Variants in C4BPA observed in about 807,000 individuals in gnomAD.
The protein encoded by C4BPA is C4b-binding protein alpha chain.
Under a neutral mutation model 63.7 loss-of-function variants are expected in C4BPA, and 31 were observed. The observed-to-expected ratio is 0.49, with a 90% CI of 0.37 to 0.66. The LOEUF (loss-of-function observed/expected upper bound fraction) is 0.66, where lower values mean the gene tolerates loss of function less well. Ranked by LOEUF, C4BPA falls within the 30% of genes least tolerant of loss-of-function variation. The pLI, the probability that C4BPA is intolerant of heterozygous loss-of-function variation, is 0.00. For missense variants in C4BPA, 572 were observed against 723.3 expected (o/e 0.79, Z 2.40); for synonymous variants, 259 against 254.7 (o/e 1.02, Z -0.16).
rs1293892705 is a variant in C4BPA, at chr1:207,131,668, C to T, written c.1012C>T (p.Pro338Ser). 6.2e-7 allele frequency: 1 copy of T among 1,613,948 alleles called. No individual in the cohort carries two copies. Among genetic ancestry groups the T allele is most frequent in the East Asian group, 2.2e-5 (1 of 44,826 alleles). Reference protein sequence around the residue: ...LRYRCHPGYKPTTDEPTTVIC... With the variant: ...LRYRCHPGYKSTTDEPTTVIC... ...GTACCGCTGTCATCCTGGCTACAAA[C>T]CCACTACAGATGAGCCTACGACTGT... Residue 338 changes from proline (P) to serine (S), a missense_variant, in exon 8 of 12, where the codon CCC (proline) becomes TCC (serine). Physicochemically the swap from Pro to Ser is moderately conservative, Grantham distance 74 (BLOSUM62 -1). Transcript: ENST00000367070.
intron 8 of C4BPA, among the ~76,000 whole-genome samples, 160 bp from the exon 9 acceptor site, chr1:207,134,244 G>C (rs928841448): frequency 6.6e-6 from 1 of 152,136 alleles, no homozygotes; most frequent in African/African-American, 2.4e-5. Flanking sequence ...TAGCAAATAA[G>C]GGGGGAAAGA....
rs892395387 is a variant in C4BPA at position 207,131,753 on chromosome 1, T to C, written c.1084+13T>C. ...CAAGGATGTGAGGGTGAGTTTTTGT[T>C]TTTTAATATTTTTGTATATTAAATG... On this transcript the variant is annotated intron_variant, in intron 8 of 11. Transcript: ENST00000367070. 1 of 1,576,438 alleles carries C rather than the reference T, an allele frequency of 6.3e-7. No homozygotes were observed. Among genetic ancestry groups the C allele is most frequent in the Non-Finnish European group, 8.7e-7 (1 of 1,153,194 alleles).
At position 207,143,740 on chromosome 1, in the gene C4BPA, C is replaced by A. The variant is rs1229198050; in HGVS notation, c.1445-78C>A. The A allele has an allele frequency of 3.1e-6, 3 of 975,434 alleles. No individual in the cohort carries two copies. In the African/African-American group the frequency reaches 4.9e-5, roughly 16 times the overall value. The allele number at this position is 975,434 out of a possible 1,614,324, so 60.4% of individuals were successfully genotyped here. ...ACAATTAGCAGAACTAAATACAGTT[C>A]ATTCTTATTATCCGAGACTGTTATC... On this transcript the variant is annotated intron_variant, in intron 10 of 11. Transcript: ENST00000367070.
chr1:207,109,094 A>G (rs1398229146), intron 1 of C4BPA, among the ~76,000 whole-genome samples: 1 of 152,136 alleles, frequency 6.6e-6, no homozygotes, highest in Non-Finnish European at 1.5e-5. Flanking sequence ...GTTGAGGGCA[A>G]GGGAAGACAA....
At chr1:207,127,027 CT>C in intron 7 of C4BPA, 132 bp downstream of exon 7, 1 of 656,090 alleles carries the variant, frequency 1.5e-6, no homozygotes, top group Non-Finnish European at 2.6e-6. Context: ...CAATAATTTC[CT>C]TTATTTTTTT....
At chr1:207,121,575 T>C (rs1257046293) in intron 4 of C4BPA, among the ~76,000 whole-genome samples, 4 of 152,110 alleles carry the variant, frequency 2.6e-5, no homozygotes, top group Non-Finnish European at 4.4e-5. Context: ...TTTTCTTTCA[T>C]TAGGAGTTTA....
chr1:207,144,759 C>T lies in C4BPA; in HGVS notation c.*42C>T. 1 of 1,457,402 alleles carries T rather than the reference C, an allele frequency of 6.9e-7. No individual in the cohort carries two copies. Among genetic ancestry groups the T allele is most frequent in the Non-Finnish European group, 9.4e-7 (1 of 1,066,748 alleles). The allele number at this position is 1,457,402 out of a possible 1,614,324, so 90.3% of individuals were successfully genotyped here. On this transcript the variant is annotated 3_prime_UTR_variant, in exon 12 of 12. Coordinates refer to ENST00000367070, the MANE Select transcript of C4BPA (RefSeq NM_000715.4). ...GAGGAAAAGGTGTCTTGCTGGCTTG[C>T]CTCTTGCAATTCAATACAGATCAGT...
intron 1 of C4BPA, 32 bp from the exon 2 acceptor site, chr1:207,112,969 T>A: frequency 6.5e-7 from 1 of 1,527,868 alleles, no homozygotes; most frequent in Admixed American, 2.3e-5. Flanking sequence ...TGGAATTCAA[T>A]GACTATTTAT....
intron 9 of C4BPA, among the ~76,000 whole-genome samples, chr1:207,135,720 T>C (rs1285642504): frequency 1.3e-5 from 2 of 152,224 alleles, no homozygotes; most frequent in Non-Finnish European, 2.9e-5. Context: ...ATACAGCATT[T>C]TGGAAGATAG....
Position 207,131,171 on chromosome 1 carries a change from C to T in C4BPA, c.890-375C>T, listed in dbSNP as rs61821017. Among the ~76,000 whole-genome samples, 1,216 of 152,236 alleles carry T rather than the reference C, an allele frequency of 8.0e-3. 15 individuals are homozygous for T. Among genetic ancestry groups the T allele is most frequent in the Non-Finnish European group, 0.013 (894 of 68,020 alleles). ...CCTGGTATCATCTGGATGAGGGGAACGGCTCCTGTTTATTTTCCCCAATCA... is the reference window on the plus strand; with the variant it reads ...CCTGGTATCATCTGGATGAGGGGAATGGCTCCTGTTTATTTTCCCCAATCA... On this transcript the variant is annotated intron_variant, in intron 7 of 11. Coordinates refer to ENST00000367070, the MANE Select transcript of C4BPA (RefSeq NM_000715.4).
intron 10 of C4BPA, among the ~76,000 whole-genome samples, chr1:207,142,210 G>A (rs1266710924): frequency 1.3e-5 from 2 of 152,124 alleles, no homozygotes; most frequent in Non-Finnish European, 2.9e-5. Flanking sequence ...GAGAATGATG[G>A]TTTCCAGCTT....
At chr1:207,112,200 A>G (rs79213858) in intron 1 of C4BPA, among the ~76,000 whole-genome samples, 10,679 of 146,006 alleles carry the variant, frequency 0.073, 1,102 homozygotes, top group African/African-American at 0.24. Context: ...ATATATATAT[A>G]TGTGTGTGTG....
chr1:207,107,032 AATAG>A (rs1193876069), intron 1 of C4BPA, among the ~76,000 whole-genome samples: 2 of 152,190 alleles, frequency 1.3e-5, no homozygotes, highest in South Asian at 2.1e-4. Flanking sequence ...GGCAAAAGCA[AATAG>A]ATAGTTAGGA....
chr1:207,113,014 A>G lies in C4BPA; in HGVS notation c.-12A>G. ...TTCTTTCAGCAGAAAAACATCAGCG[A>G]AGCAGCAGGCCATGCACCCCCCAAA... On this transcript the variant is annotated 5_prime_UTR_variant, in exon 2 of 12. Coordinates refer to ENST00000367070, the MANE Select transcript of C4BPA (RefSeq NM_000715.4). 1.9e-6 allele frequency: 3 copies of G among 1,562,706 alleles called. No homozygotes were observed. Among genetic ancestry groups the G allele is most frequent in the Non-Finnish European group, 2.6e-6 (3 of 1,162,894 alleles).
At chr1:207,138,080 A>G (rs1240966642) in intron 9 of C4BPA, among the ~76,000 whole-genome samples, 2 of 151,996 alleles carry the variant, frequency 1.3e-5, no homozygotes, top group Non-Finnish European at 2.9e-5. Context: ...TGGTTGGGGG[A>G]CCTTAGAATT....
chr1:207,118,370 GA>G (rs1684857841), intron 4 of C4BPA, among the ~76,000 whole-genome samples: 1 of 152,160 alleles, frequency 6.6e-6, no homozygotes, highest in Non-Finnish European at 1.5e-5. Context: ...AATTTATAAA[GA>G]AAAGAGGTTT....
At chr1:207,126,996 A>G in intron 7 of C4BPA, 101 bp downstream of exon 7, 4 of 806,666 alleles carry the variant, frequency 5.0e-6, no homozygotes, top group Non-Finnish European at 7.8e-6. Context: ...TATGAATTAC[A>G]GTAAAAATTT....
intron 10 of C4BPA, 65 bp from the exon 11 acceptor site, chr1:207,143,753 C>T (rs984500005): frequency 2.6e-5 from 29 of 1,113,860 alleles, no homozygotes; most frequent in African/African-American, 2.3e-4. Context: ...TCTTATTATC[C>T]GAGACTGTTA....
intron 7 of C4BPA, among the ~76,000 whole-genome samples, chr1:207,129,684 C>T (rs73079141): frequency 0.044 from 6,689 of 152,146 alleles, 479 homozygotes; most frequent in African/African-American, 0.15. Flanking sequence ...ATTCAAAGTG[C>T]AGAAAGATAA....
Sources: allele counts gnomAD v4.1 joint callset (sites outside exome capture counted in the v4.1 genomes callset), GRCh38; gene constraint gnomAD v4.1.1; transcripts MANE v1.5; gene names NCBI Gene and HGNC (gene_info 2026-07-23, HGNC 2026-07-21).